ZNF789: variants seen among roughly 807,000 people sequenced by gnomAD.
The protein encoded by ZNF789 is zinc finger protein 789.
ZNF789 carries 11 observed loss-of-function variants against 15.6 expected under a neutral mutation model. That is an observed-to-expected ratio of 0.70 (90% CI 0.44 to 1.16). The LOEUF is 1.16. Ranked by LOEUF, ZNF789 falls within the 50% of genes most tolerant of loss-of-function variation. The pLI, the probability that ZNF789 is intolerant of heterozygous loss-of-function variation, is 0.00. For missense variants in ZNF789, 461 were observed against 512.6 expected, an observed-to-expected ratio of 0.90 and a Z score of 0.97; for synonymous variants, 159 against 176.0, an observed-to-expected ratio of 0.90 and a Z score of 0.76.
chr7:99,482,026 G>A (rs1290772249), intron 3 of ZNF789: 1 of 641,930 alleles, frequency 1.6e-6, no homozygotes, highest in African/African-American at 1.8e-5. Context: ...TTTCTTTTTT[G>A]GATTTTGGAA....
rs779259615 is a variant in ZNF789 at position 99,476,437 on chromosome 7, A to G, written c.-20A>G. 4 of 1,608,314 alleles carry G rather than the reference A, an allele frequency of 2.5e-6. No homozygotes were observed. In the South Asian group the frequency reaches 4.5e-5, roughly 18 times the overall value. On this transcript the variant is annotated 5_prime_UTR_variant, in exon 2 of 5. Coordinates refer to ENST00000331410, the MANE Select transcript of ZNF789 (RefSeq NM_213603.3). ...ACGTCCAGGATCCCACCCCTTGCAA[A>G]AGACCAGGCCGTGGAAGCCATGTTC...
intron 4 of ZNF789, among the ~76,000 whole-genome samples, chr7:99,484,988 T>A (rs536713815): frequency 6.6e-5 from 10 of 152,182 alleles, no homozygotes; most frequent in Admixed American, 1.3e-4. Context: ...CTAGAATGCT[T>A]ATCCTCTCTC....
intron 3 of ZNF789, 48 bp from the exon 4 acceptor site, chr7:99,483,982 C>A: frequency 6.6e-7 from 1 of 1,507,346 alleles, no homozygotes; most frequent in Non-Finnish European, 9.2e-7. Context: ...CGGGCCATGT[C>A]TCTGTAACTC....
chr7:99,477,817 G>A (rs891388680), intron 2 of ZNF789, among the ~76,000 whole-genome samples: 4 of 152,196 alleles, frequency 2.6e-5, no homozygotes, highest in African/African-American at 9.6e-5. Flanking sequence ...GTATAGTGGC[G>A]CATGCCTATA....
chr7:99,483,046 A>G (rs1223621546), intron 3 of ZNF789, among the ~76,000 whole-genome samples: 4 of 151,126 alleles, frequency 2.6e-5, no homozygotes, highest in Non-Finnish European at 5.9e-5. Context: ...GTTGGCCAAC[A>G]TGGTGAAACC....
rs1365983308 is a variant in ZNF789, at chr7:99,475,809, T to TC, written c.-54-594_-54-593insC. 2.7e-4 allele frequency among the ~76,000 whole-genome samples: 40 copies of TC among 147,460 alleles called. No individual in the cohort carries two copies. The East Asian group carries it at 6.1e-3, about 22-fold the overall frequency. ...ATCAGAGTGCTATTTTTTCTTTCTT[T>TC]TTTTTTTTTTTTTTGAGATGGAGTC... On this transcript the variant is annotated intron_variant, in intron 1 of 4. Transcript: ENST00000331410.
chr7:99,484,272 A>C, intron 4 of ZNF789, 129 bp downstream of exon 4: 1 of 658,576 alleles, frequency 1.5e-6, no homozygotes, highest in East Asian at 2.7e-5. Context: ...CTTCATCCCT[A>C]CTGCCCTGTG....
intron 2 of ZNF789, chr7:99,478,532 C>T (rs1245410435): frequency 4.6e-6 from 2 of 432,970 alleles, no homozygotes; most frequent in Admixed American, 2.6e-5. Flanking sequence ...TATAGGACAG[C>T]GAACGTTTGC....
chr7:99,480,467 T>G (rs1453574314), intron 3 of ZNF789: 1 of 152,278 alleles, frequency 6.6e-6, no homozygotes, highest in Non-Finnish European at 1.5e-5. Flanking sequence ...GAAACACATC[T>G]GGTCCTAAGG....
intron 3 of ZNF789, chr7:99,480,987 T>C (rs1584561963): frequency 6.6e-6 from 1 of 152,218 alleles, no homozygotes; most frequent in Non-Finnish European, 1.5e-5. Flanking sequence ...ATGGAAGGCA[T>C]AGAAAAGGAG....
chr7:99,476,311 CTGTG>C (rs1287272172), intron 1 of ZNF789, 88 bp from the exon 2 acceptor site: 6 of 760,626 alleles, frequency 7.9e-6, no homozygotes, highest in African/African-American at 1.8e-5. Flanking sequence ...TAAGCTTTGT[CTGTG>C]TGCCCCGTTG....
At chr7:99,481,225 T>C (rs1281194119) in intron 3 of ZNF789, 3 of 152,248 alleles carry the variant, frequency 2.0e-5, no homozygotes, top group Non-Finnish European at 1.5e-5. Flanking sequence ...TTTTCCCATG[T>C]GGGGACATTG....
At chr7:99,477,776 C>A (rs1799414398) in intron 2 of ZNF789, among the ~76,000 whole-genome samples, 1 of 152,060 alleles carries the variant, frequency 6.6e-6, no homozygotes, top group Non-Finnish European at 1.5e-5. Context: ...AGTGAAACTC[C>A]ATCTCTACTA....
At chr7:99,482,228 C>T in intron 3 of ZNF789, 1 of 779,104 alleles carries the variant, frequency 1.3e-6, no homozygotes, top group East Asian at 2.4e-5. Context: ...ATCTTGGTTG[C>T]AATTGTACTT....
chr7:99,478,154 T>C (rs965726609), intron 2 of ZNF789: 3 of 569,256 alleles, frequency 5.3e-6, no homozygotes, highest in Non-Finnish European at 5.4e-6. Context: ...CTGCTGTACA[T>C]ACTTTTGCTA....
chr7:99,484,033 T>A lies in ZNF789; in HGVS notation c.155T>A (p.Phe52Tyr), dbSNP rs1799779874. ...CCATTTACTTCCCCATGAGTAGGAT[T>A]TCAGTTTCCCAAACCTGAGATGATC... ...ENYRNMVLLG[F>Y]QFPKPEMICQ... is the part of the protein sequence containing the mutation. The change falls in exon 4 of 5, where the codon TTT becomes TAT. Residue 52 changes from phenylalanine (F) to tyrosine (Y), a missense_variant. Transcript: ENST00000331410. The A allele has an allele frequency of 6.2e-7, 1 of 1,614,004 alleles. No individual in the cohort carries two copies. Among genetic ancestry groups the A allele is most frequent in the Non-Finnish European group, 8.5e-7 (1 of 1,179,922 alleles).
In ZNF789 at chr7:99,487,181, G is replaced by A. The variant is rs779145089; in HGVS notation, c.971G>A (p.Arg324Gln). The A allele has an allele frequency of 5.0e-6, 8 of 1,613,936 alleles. No individual in the cohort carries two copies. Among genetic ancestry groups the A allele is most frequent in the Middle Eastern group, 1.6e-4 (1 of 6,084 alleles). ...CTTGAGTGTGGAAAAGCCTTTGGCC[G>A]GCATTCAACCCTTCTATGTCATCAA... The part of the protein sequence containing the change: ...KCLECGKAFG[R>Q]HSTLLCHQQI... The change falls in exon 5 of 5, where the codon CGG becomes CAG. Residue 324 changes from arginine (R) to glutamine (Q), a missense_variant. Coordinates refer to ENST00000331410, the MANE Select transcript of ZNF789 (RefSeq NM_213603.3).
chr7:99,479,909 C>T, intron 3 of ZNF789, 122 bp downstream of exon 3: 5 of 1,369,122 alleles, frequency 3.7e-6, no homozygotes, highest in Non-Finnish European at 4.9e-6. Flanking sequence ...TTTTTTATAA[C>T]TCGTGTGGCT....
In ZNF789 at chr7:99,479,995, C is replaced by T. The variant is rs1799535919; in HGVS notation, c.151+208C>T. On this transcript the variant is annotated intron_variant, in intron 3 of 4. Transcript: ENST00000331410. ...GAAACCATTTATTGTCTTTATTTTT[C>T]CAACTTGGTGTGCATATCTGTATAC... The T allele has an allele frequency of 9.4e-6, 6 of 640,288 alleles. No homozygotes were observed. The East Asian group carries it at 1.9e-4, about 20-fold the overall frequency. The allele number at this position is 640,288 out of a possible 1,614,324, so 39.7% of individuals were successfully genotyped here. A position where few individuals can be genotyped will look rare whatever the true frequency, so the allele number is the denominator to read the frequency against.
Sources: allele counts gnomAD v4.1 joint callset (sites outside exome capture counted in the v4.1 genomes callset), GRCh38; gene constraint gnomAD v4.1.1; transcripts MANE v1.5; gene names NCBI Gene and HGNC (gene_info 2026-07-23, HGNC 2026-07-21).